The following NCAM1 variants were observed in gnomAD, a reference collection of about 807,000 sequenced individuals.
NCAM1 encodes the protein neural cell adhesion molecule 1.
Under a neutral mutation model 109.8 loss-of-function variants are expected in NCAM1, and 14 were observed. That is an observed-to-expected ratio of 0.13 (90% CI 0.08 to 0.20). The LOEUF is 0.20. Among genes scored for constraint, NCAM1 ranks in the 10% least tolerant of loss-of-function variants. The pLI is 1.00. For synonymous variants in NCAM1, 418 were observed against 442.9 expected (o/e 0.94, Z 0.70); for missense variants, 774 against 1,109.9 (o/e 0.70, Z 4.30).
intron 17 of NCAM1, among the ~76,000 whole-genome samples, chr11:113,266,852 C>T (rs1565539462): frequency 1.3e-5 from 2 of 152,148 alleles, no homozygotes; most frequent in Non-Finnish European, 1.5e-5. Flanking sequence ...GAACCTGTAC[C>T]GTGTGCCAGG....
At chr11:113,154,080 A>G (rs1555103044) in intron 1 of NCAM1, among the ~76,000 whole-genome samples, 1 of 152,256 alleles carries the variant, frequency 6.6e-6, no homozygotes, top group East Asian at 1.9e-4. Flanking sequence ...AATAACAGGA[A>G]GAATTGCATA....
At chr11:113,160,988 T>C (rs1160123225) in intron 1 of NCAM1, among the ~76,000 whole-genome samples, 4 of 152,180 alleles carry the variant, frequency 2.6e-5, no homozygotes, top group South Asian at 4.1e-4. Flanking sequence ...CCACTCCCTA[T>C]GGATGTGTTT....
At chr11:113,199,126 T>C (rs1434399921) in intron 1 of NCAM1, among the ~76,000 whole-genome samples, 1 of 152,104 alleles carries the variant, frequency 6.6e-6, no homozygotes, top group East Asian at 1.9e-4. Flanking sequence ...GATGATGCAG[T>C]ATTTACGCAA....
intron 1 of NCAM1, among the ~76,000 whole-genome samples, chr11:113,200,545 G>A (rs1456990782): frequency 6.6e-6 from 1 of 152,164 alleles, no homozygotes; most frequent in Non-Finnish European, 1.5e-5. Flanking sequence ...CACCTACCCG[G>A]AGCCAGGAGG....
chr11:113,037,998 C>A (rs1408731978), intron 1 of NCAM1, among the ~76,000 whole-genome samples: 6 of 152,212 alleles, frequency 3.9e-5, no homozygotes, highest in African/African-American at 1.4e-4. Context: ...GGGCCAGGCT[C>A]ACCCCTGCGG....
At chr11:113,224,312 C>T (rs1039660523) in intron 9 of NCAM1, among the ~76,000 whole-genome samples, 16 of 152,348 alleles carry the variant, frequency 1.1e-4, no homozygotes, top group African/African-American at 3.1e-4. Flanking sequence ...GAGGGTCCTA[C>T]GCCCACGGAG....
At chr11:113,266,414 TA>T (rs2137725673) in intron 17 of NCAM1, among the ~76,000 whole-genome samples, 1 of 152,292 alleles carries the variant, frequency 6.6e-6, no homozygotes, top group Non-Finnish European at 1.5e-5. Flanking sequence ...CTTTGGGGCA[TA>T]CTCTTTGTTT....
intron 1 of NCAM1, among the ~76,000 whole-genome samples, chr11:113,047,262 G>A (rs1953302231): frequency 6.6e-6 from 1 of 151,674 alleles, no homozygotes; most frequent in African/African-American, 2.4e-5. Context: ...ATTGACTTGA[G>A]GAAATTCTCA....
chr11:113,069,575 C>T (rs1938161714), intron 1 of NCAM1, among the ~76,000 whole-genome samples: 1 of 152,052 alleles, frequency 6.6e-6, no homozygotes, highest in Non-Finnish European at 1.5e-5. Context: ...TGGGCTGGTG[C>T]ATTTGTCTGG....
intron 9 of NCAM1, among the ~76,000 whole-genome samples, chr11:113,228,323 C>G (rs1944907614): frequency 1.3e-5 from 2 of 152,150 alleles, no homozygotes; most frequent in African/African-American, 4.8e-5. Flanking sequence ...TGAGTGAACT[C>G]CCATTCACAA....
intron 18 of NCAM1, among the ~76,000 whole-genome samples, chr11:113,270,707 A>T (rs118107176): frequency 6.6e-6 from 1 of 152,116 alleles, no homozygotes; most frequent in Non-Finnish European, 1.5e-5. Flanking sequence ...AGGAGCTGCC[A>T]TGGGGTAGGG....
intron 1 of NCAM1, among the ~76,000 whole-genome samples, chr11:112,970,059 T>C (rs574166399): frequency 5.1e-4 from 78 of 152,252 alleles, no homozygotes; most frequent in African/African-American, 1.8e-3. Context: ...CCTGTTTTCC[T>C]ATAGGATGAG....
intron 1 of NCAM1, among the ~76,000 whole-genome samples, chr11:113,117,107 G>A (rs1382768841): frequency 1.3e-5 from 2 of 151,696 alleles, no homozygotes; most frequent in Admixed American, 6.6e-5. Flanking sequence ...ACAAAATTGG[G>A]GCAGCATTAA....
At chr11:113,020,214 T>C (rs1403625044) in intron 1 of NCAM1, among the ~76,000 whole-genome samples, 1 of 152,236 alleles carries the variant, frequency 6.6e-6, no homozygotes, top group East Asian at 1.9e-4. Context: ...TGAAATCTTA[T>C]ATCTTTGTAA....
intron 1 of NCAM1, among the ~76,000 whole-genome samples, chr11:113,137,093 A>T (rs1249728947): frequency 6.6e-6 from 1 of 152,222 alleles, no homozygotes; most frequent in Non-Finnish European, 1.5e-5. Context: ...AGTAGCTTAA[A>T]GTAGTCCTAA....
chr11:113,170,477 G>C (rs965899208), intron 1 of NCAM1, among the ~76,000 whole-genome samples: 1 of 152,168 alleles, frequency 6.6e-6, no homozygotes, highest in Non-Finnish European at 1.5e-5. Context: ...GAAATGCACT[G>C]GCTAGATGTT....
intron 14 of NCAM1, among the ~76,000 whole-genome samples, chr11:113,243,122 A>C (rs1434672043): frequency 6.6e-6 from 1 of 152,238 alleles, no homozygotes; most frequent in East Asian, 1.9e-4. Flanking sequence ...AAAATAGCCA[A>C]GGATTAGGCA....
chr11:113,059,676 C>T (rs182781607), intron 1 of NCAM1, among the ~76,000 whole-genome samples: 5 of 152,240 alleles, frequency 3.3e-5, no homozygotes, highest in East Asian at 1.9e-4. Flanking sequence ...TAACCAGCAC[C>T]GCATCACTTC....
intron 1 of NCAM1, among the ~76,000 whole-genome samples, chr11:113,107,540 G>A (rs1469547441): frequency 5.3e-5 from 8 of 152,076 alleles, no homozygotes; most frequent in African/African-American, 1.9e-4. Context: ...AAGTGTCTGG[G>A]GAGACCTCAC....
Sources: gnomAD v4.1 joint callset for allele counts (sites outside exome capture counted in the v4.1 genomes callset) on GRCh38, gnomAD v4.1.1 for gene constraint, MANE v1.5 for transcripts, NCBI Gene and HGNC (gene_info 2026-07-23, HGNC 2026-07-21) for gene names.